Variants in RERE observed in about 807,000 individuals in gnomAD.
RERE encodes the protein arginine-glutamic acid dipeptide repeats.
A neutral mutation model predicts 146.1 loss-of-function variants in RERE; 40 were observed. The ratio of observed to expected loss-of-function variants is 0.27; its 90% CI spans 0.21 to 0.36. The LOEUF (loss-of-function observed/expected upper bound fraction) is 0.36. Among genes scored for constraint, RERE ranks in the 10% least tolerant of loss-of-function variants. The probability of loss-of-function intolerance (pLI) is 1.00; values close to 1 mark genes in which losing one functional copy is unlikely to be tolerated. For missense variants in RERE, 1,933 were observed against 2,138.7 expected (o/e 0.90, Z 1.90); for synonymous variants, 1,003 against 866.0 (o/e 1.16, Z -2.78).
chr1:8,512,328 C>A (rs549949066), intron 7 of RERE, among the ~76,000 whole-genome samples: 1 of 152,078 alleles, frequency 6.6e-6, no homozygotes, highest in African/African-American at 2.4e-5. Context: ...CCACCGCGCC[C>A]GGCCAGGAAA....
intron 11 of RERE, among the ~76,000 whole-genome samples, chr1:8,428,969 C>T (rs534681568): frequency 5.3e-5 from 8 of 152,228 alleles, no homozygotes; most frequent in South Asian, 2.1e-4. Context: ...TGGGATGGCA[C>T]GTGGACCTGG....
chr1:8,744,326 A>G (rs954451020), intron 1 of RERE, among the ~76,000 whole-genome samples: 4 of 152,254 alleles, frequency 2.6e-5, no homozygotes, highest in African/African-American at 4.8e-5. Flanking sequence ...CTTAAGTTCC[A>G]TATGTGGGTA....
chr1:8,674,725 G>A (rs1454549669), intron 1 of RERE, among the ~76,000 whole-genome samples: 1 of 152,140 alleles, frequency 6.6e-6, no homozygotes, highest in Non-Finnish European at 1.5e-5. Context: ...GGAAAAATAC[G>A]CATTTCATAC....
intron 1 of RERE, among the ~76,000 whole-genome samples, chr1:8,689,848 A>G (rs1483515665): frequency 6.6e-6 from 1 of 152,000 alleles, no homozygotes; most frequent in African/African-American, 2.4e-5. Context: ...GGGAAACTCA[A>G]TGAACTGCCC....
intron 1 of RERE, chr1:8,703,109 G>A (rs1639489252): frequency 6.6e-6 from 1 of 152,102 alleles, no homozygotes; most frequent in South Asian, 2.1e-4. Context: ...TCCTCCTCCG[G>A]CGCAGGGCCC....
Position 8,706,560 on chromosome 1 carries a change from A to G in RERE, c.-144-50119T>C, listed in dbSNP as rs142063189. ...CTAAATCTTGTATACACACAGAGCAATATAAACAGAATATAAAACTTAGAA... is the reference window on the plus strand; with the variant it reads ...CTAAATCTTGTATACACACAGAGCAGTATAAACAGAATATAAAACTTAGAA... On this transcript the variant is annotated intron_variant, in intron 1 of 22. Transcript: ENST00000400908. Among the ~76,000 whole-genome samples the G allele has an allele frequency of 4.7e-3, 714 of 152,360 alleles. 7 individuals are homozygous for G. Among genetic ancestry groups the G allele is most frequent in the African/African-American group, 0.016 (681 of 41,586 alleles).
chr1:8,386,534 G>C (rs1241477217), intron 12 of RERE, among the ~76,000 whole-genome samples: 3 of 82,672 alleles, frequency 3.6e-5, no homozygotes, highest in Non-Finnish European at 5.9e-5. Flanking sequence ...TGAAGGCAGT[G>C]AACTGAACAT....
intron 12 of RERE, among the ~76,000 whole-genome samples, chr1:8,378,998 CGCAGCTTATCCTA>C (rs1172825353): frequency 6.6e-6 from 1 of 152,170 alleles, no homozygotes; most frequent in African/African-American, 2.4e-5. Flanking sequence ...GGCCAAACCT[CGCAGCTTATCCTA>C]GCAGCTCTAA....
At chr1:8,781,835 C>T (rs1387014365) in intron 1 of RERE, among the ~76,000 whole-genome samples, 1 of 151,940 alleles carries the variant, frequency 6.6e-6, no homozygotes, top group African/African-American at 2.4e-5. Flanking sequence ...AACCATGCAA[C>T]ATCTTAATAT....
intron 12 of RERE, among the ~76,000 whole-genome samples, chr1:8,373,927 T>A (rs1477822658): frequency 6.6e-6 from 1 of 152,226 alleles, no homozygotes; most frequent in Non-Finnish European, 1.5e-5. Flanking sequence ...ACTGTTCTCC[T>A]GGGCTCCTTC....
At chr1:8,531,554 G>T (rs1645654308) in intron 7 of RERE, among the ~76,000 whole-genome samples, 1 of 151,866 alleles carries the variant, frequency 6.6e-6, no homozygotes, top group African/African-American at 2.4e-5. Context: ...ATTAATAAAT[G>T]TTCATTTTTT....
At chr1:8,807,225 AT>A (rs1038518446) in intron 1 of RERE, among the ~76,000 whole-genome samples, 5 of 151,366 alleles carry the variant, frequency 3.3e-5, no homozygotes, top group Non-Finnish European at 7.4e-5. Flanking sequence ...CTAATTTTTA[AT>A]TTTTTTTGCA....
intron 4 of RERE, among the ~76,000 whole-genome samples, chr1:8,559,864 TAC>T (rs557554263): frequency 2.6e-5 from 4 of 152,058 alleles, no homozygotes; most frequent in Non-Finnish European, 5.9e-5. Flanking sequence ...GCTGACCAAA[TAC>T]ACAGGCAGCA....
chr1:8,705,228 A>T (rs1639534483), intron 1 of RERE, among the ~76,000 whole-genome samples: 1 of 152,222 alleles, frequency 6.6e-6, no homozygotes, highest in African/African-American at 2.4e-5. Context: ...TCTCTCAGGG[A>T]TTCTAAATGC....
chr1:8,357,699 A>G lies in RERE; in HGVS notation c.4339+497T>C, dbSNP rs147369672. ...TAAGGAGCTCCTACTTCCAGGGTGG[A>G]CAGGACTGAGCAGCCCTGGCCAGGT... On this transcript the variant is annotated intron_variant, in intron 20 of 22. Transcript: ENST00000400908. 7.0e-3 allele frequency among the ~76,000 whole-genome samples: 1,060 copies of G among 152,342 alleles called. 10 individuals carry two copies. The highest frequency in any genetic ancestry group is 0.024 in the African/African-American group (1,007 of 41,580).
intron 4 of RERE, among the ~76,000 whole-genome samples, chr1:8,575,091 C>T (rs1446895198): frequency 6.6e-6 from 1 of 152,058 alleles, no homozygotes; most frequent in African/African-American, 2.4e-5. Context: ...AGGAGGAGAA[C>T]CCTAAAACAA....
chr1:8,391,311 G>C (rs145374360), intron 12 of RERE, among the ~76,000 whole-genome samples: 1 of 152,224 alleles, frequency 6.6e-6, no homozygotes, highest in Non-Finnish European at 1.5e-5. Flanking sequence ...TCAATGAACC[G>C]ATGTATGTAA....
intron 1 of RERE, among the ~76,000 whole-genome samples, chr1:8,744,825 T>G (rs1017347480): frequency 6.6e-6 from 1 of 152,210 alleles, no homozygotes; most frequent in Non-Finnish European, 1.5e-5. Context: ...ATAAATAGTA[T>G]GTACAGGATA....
chr1:8,762,665 G>A (rs1640777328), intron 1 of RERE, among the ~76,000 whole-genome samples: 1 of 152,178 alleles, frequency 6.6e-6, no homozygotes, highest in Admixed American at 6.6e-5. Flanking sequence ...TCTGGATGAA[G>A]CCTCAGGGGG....
Sources: allele counts gnomAD v4.1 joint callset (sites outside exome capture counted in the v4.1 genomes callset), GRCh38; gene constraint gnomAD v4.1.1; transcripts MANE v1.5; gene names NCBI Gene and HGNC (gene_info 2026-07-23, HGNC 2026-07-21).